The following CDH12 variants were observed in gnomAD, a reference collection of about 807,000 sequenced individuals.
CDH12 encodes the protein cadherin 12.
CDH12 carries 41 observed loss-of-function variants against 74.1 expected under a neutral mutation model. The ratio of observed to expected loss-of-function variants is 0.55; its 90% confidence interval spans 0.43 to 0.72. CDH12 has a LOEUF of 0.72. CDH12 is among the 30% of genes least tolerant of loss of function. The probability of loss-of-function intolerance (pLI) is 0.00; values close to 1 mark genes in which losing one functional copy is unlikely to be tolerated. For missense variants in CDH12, 945 were observed against 977.2 expected (o/e 0.97, Z 0.44); for synonymous variants, 399 against 355.0 (o/e 1.12, Z -1.39).
intron 1 of CDH12, among the ~76,000 whole-genome samples, chr5:22,823,324 G>A (rs975901548): frequency 3.9e-5 from 6 of 151,996 alleles, no homozygotes; most frequent in Admixed American, 3.3e-4. Context: ...CATGGCACAT[G>A]TATACATATG....
chr5:22,331,831 AT>A lies in CDH12; in HGVS notation c.-333+73425del, dbSNP rs1164918269. Among the ~76,000 whole-genome samples the A allele has an allele frequency of 9.8e-5, 15 of 152,332 alleles. 2 individuals are homozygous for A. The highest frequency in any genetic ancestry group is 5.2e-4 in the Admixed American group (8 of 15,300). ...AACATGTTGAAATAACCAAAAAAAA[AT>A]CAAACAGAAATTCTGAAGTTCAAAA... On this transcript the variant is annotated intron_variant, in intron 3 of 14. Coordinates refer to ENST00000382254, the MANE Select transcript of CDH12 (RefSeq NM_004061.5).
In CDH12 at chr5:22,097,548, CTT is replaced by C. The variant is rs774876217; in HGVS notation, c.-186-18688_-186-18687del. 2.8e-4 allele frequency among the ~76,000 whole-genome samples: 43 copies of C among 152,248 alleles called. 3 individuals carry two copies. The highest frequency in any genetic ancestry group is 1.4e-3 in the East Asian group (7 of 5,168). On this transcript the variant is annotated intron_variant, in intron 4 of 14. Coordinates refer to ENST00000382254, the MANE Select transcript of CDH12 (RefSeq NM_004061.5). ...CTCTAGTGCCAACTTAGACAATACT[CTT>C]TTAAGCGCTCCTTTTTAGTTATCCC...
chr5:22,831,618 C>T (rs1264710645), intron 1 of CDH12, among the ~76,000 whole-genome samples: 6 of 151,982 alleles, frequency 3.9e-5, no homozygotes, highest in South Asian at 2.1e-4. Flanking sequence ...TAAATCCAGC[C>T]GGGTACGGTG....
chr5:22,652,236 G>T (rs996165034), intron 1 of CDH12, among the ~76,000 whole-genome samples: 4 of 152,084 alleles, frequency 2.6e-5, no homozygotes, highest in African/African-American at 7.2e-5. Flanking sequence ...ATGATCTCCT[G>T]CACAGCACTT....
At chr5:21,935,653 G>T (rs1211377267) in intron 6 of CDH12, among the ~76,000 whole-genome samples, 2 of 152,080 alleles carry the variant, frequency 1.3e-5, no homozygotes, top group Non-Finnish European at 2.9e-5. Context: ...TTTGACTATA[G>T]TCACCCTGTT....
intron 3 of CDH12, among the ~76,000 whole-genome samples, chr5:22,348,823 C>A (rs1201466402): frequency 2.6e-5 from 4 of 152,164 alleles, no homozygotes; most frequent in Non-Finnish European, 4.4e-5. Context: ...CATAACTAGA[C>A]AATGCCGTGA....
chr5:22,079,375 G>A (rs963812013), intron 4 of CDH12, among the ~76,000 whole-genome samples: 2 of 151,932 alleles, frequency 1.3e-5, no homozygotes, highest in Admixed American at 1.3e-4. Flanking sequence ...TCCCCTAGGG[G>A]AGCAAAAAAT....
chr5:21,834,084 C>T (rs184001301), intron 8 of CDH12, among the ~76,000 whole-genome samples: 7 of 152,052 alleles, frequency 4.6e-5, no homozygotes, highest in Admixed American at 3.3e-4. Context: ...ATTTCTATTA[C>T]TCATGCCTAA....
At chr5:22,448,410 CAT>C (rs1049929808) in intron 2 of CDH12, among the ~76,000 whole-genome samples, 1 of 151,456 alleles carries the variant, frequency 6.6e-6, no homozygotes, top group Non-Finnish European at 1.5e-5. Context: ...CACCCACAAA[CAT>C]AAAACTATAA....
Position 21,804,653 on chromosome 5 carries a change from C to A in CDH12, c.1003-2233G>T, listed in dbSNP as rs201838387. On this transcript the variant is annotated intron_variant, in intron 9 of 14. Coordinates refer to ENST00000382254, the MANE Select transcript of CDH12 (RefSeq NM_004061.5). ...TCTATAGTGAATTAAAACACACACA[C>A]ACACACACACACACACACACACACA... 6.2e-3 allele frequency among the ~76,000 whole-genome samples: 647 copies of A among 103,598 alleles called. 8 individuals carry two copies. The East Asian group carries it at 0.064, about 10-fold the overall frequency. 68.0% of individuals were successfully genotyped at this position (103,598 alleles called of 152,430 possible).
chr5:22,718,162 A>T (rs1430611046), intron 1 of CDH12, among the ~76,000 whole-genome samples: 3 of 152,234 alleles, frequency 2.0e-5, no homozygotes, highest in Non-Finnish European at 2.9e-5. Context: ...ACATCAGTTT[A>T]GGTATTGAGA....
intron 6 of CDH12, among the ~76,000 whole-genome samples, chr5:21,893,778 C>T (rs1302236752): frequency 1.3e-5 from 2 of 151,972 alleles, no homozygotes; most frequent in African/African-American, 4.8e-5. Context: ...GTTTTGAAGC[C>T]CAGTAGAGTT....
intron 3 of CDH12, among the ~76,000 whole-genome samples, chr5:22,278,443 C>T (rs1241685714): frequency 1.3e-5 from 2 of 152,146 alleles, no homozygotes; most frequent in East Asian, 1.9e-4. Context: ...AACTCTCCCT[C>T]CTTGTGAAAT....
intron 3 of CDH12, among the ~76,000 whole-genome samples, chr5:22,342,917 T>C (rs1439925234): frequency 1.3e-5 from 2 of 151,774 alleles, no homozygotes; most frequent in East Asian, 2.0e-4. Flanking sequence ...GGCAGGATCT[T>C]AGCTTATTGC....
At chr5:22,768,114 T>C (rs533007492) in intron 1 of CDH12, among the ~76,000 whole-genome samples, 1 of 152,170 alleles carries the variant, frequency 6.6e-6, no homozygotes, top group Admixed American at 6.6e-5. Context: ...AAGATGGTAC[T>C]CAAATCAATT....
chr5:22,266,328 C>T (rs531369040), intron 3 of CDH12, among the ~76,000 whole-genome samples: 32 of 152,162 alleles, frequency 2.1e-4, no homozygotes, highest in African/African-American at 7.2e-4. Context: ...CCACCTCGGC[C>T]TCCCAAAGTA....
intron 1 of CDH12, among the ~76,000 whole-genome samples, chr5:22,560,614 A>G (rs1248702490): frequency 6.6e-6 from 1 of 152,206 alleles, no homozygotes; most frequent in African/African-American, 2.4e-5. Flanking sequence ...TGCAATATTT[A>G]AAATTTTACA....
In CDH12 at chr5:22,399,233, T is replaced by TCTAC. The variant is rs1453697945; in HGVS notation, c.-333+6023_-333+6024insGTAG. ...ATCTATCTATCTATCTATCTATCTA[T>TCTAC]CTAATCTAAACAAGTAGTGTAACAT... On this transcript the variant is annotated intron_variant, in intron 3 of 14. Coordinates refer to ENST00000382254, the MANE Select transcript of CDH12 (RefSeq NM_004061.5). Among the ~76,000 whole-genome samples, 28 of 149,362 alleles carry TCTAC rather than the reference T, an allele frequency of 1.9e-4. No individual in the cohort carries two copies. The Admixed American group carries it at 1.9e-3, about 10-fold the overall frequency.
At chr5:22,536,737 C>T (rs1412879139) in intron 1 of CDH12, among the ~76,000 whole-genome samples, 1 of 152,160 alleles carries the variant, frequency 6.6e-6, no homozygotes, top group Non-Finnish European at 1.5e-5. Context: ...TAGTGGTGAA[C>T]AGCTCAATTT....
Sources: allele counts gnomAD v4.1 joint callset (sites outside exome capture counted in the v4.1 genomes callset), GRCh38; gene constraint gnomAD v4.1.1; transcripts MANE v1.5; gene names NCBI Gene and HGNC (gene_info 2026-07-23, HGNC 2026-07-21).